The following NCK1 variants were observed in gnomAD, a reference collection of about 807,000 sequenced individuals.
NCK1 encodes the protein NCK adaptor protein 1, also known as SH2/SH3 adapter protein NCK1.
A neutral mutation model predicts 36.6 loss-of-function variants in NCK1; 19 were observed. The ratio of observed to expected loss-of-function variants is 0.52; its 90% CI spans 0.36 to 0.76. NCK1 has a LOEUF of 0.76. NCK1 is among the 30% of genes least tolerant of loss of function. The pLI, the probability that NCK1 is intolerant of heterozygous loss-of-function variation, is 0.00. For synonymous variants in NCK1, 165 were observed against 156.0 expected, an observed-to-expected ratio of 1.06 and a Z score of -0.43; for missense variants, 358 against 445.6, an observed-to-expected ratio of 0.80 and a Z score of 1.77.
intron 1 of NCK1, among the ~76,000 whole-genome samples, chr3:136,905,531 A>G (rs1939661104): frequency 1.3e-5 from 2 of 150,474 alleles, no homozygotes; most frequent in Non-Finnish European, 3.0e-5. Flanking sequence ...GGGATTACAG[A>G]CAAGGGTCAC....
At chr3:136,946,547 C>T (rs974852241) in intron 3 of NCK1, among the ~76,000 whole-genome samples, 9 of 152,110 alleles carry the variant, frequency 5.9e-5, no homozygotes, top group Non-Finnish European at 1.2e-4. Context: ...ATTTTGCATT[C>T]CTGATATATT....
At chr3:136,885,805 A>T (rs1183088465) in intron 1 of NCK1, among the ~76,000 whole-genome samples, 1 of 152,230 alleles carries the variant, frequency 6.6e-6, no homozygotes, top group Non-Finnish European at 1.5e-5. Flanking sequence ...AGGGGTTTGT[A>T]GAGGGAGAAA....
intron 1 of NCK1, chr3:136,899,433 T>TA (rs1553794520): frequency 0.026 from 7,308 of 278,304 alleles, 258 homozygotes; most frequent in East Asian, 0.13. Flanking sequence ...TTTTTTTTTT[T>TA]AAATTTCTTT....
At chr3:136,915,730 GT>G (rs748296383) in intron 1 of NCK1, among the ~76,000 whole-genome samples, 66 of 142,370 alleles carry the variant, frequency 4.6e-4, no homozygotes, top group Admixed American at 4.2e-4. Flanking sequence ...TTTTGCTTTT[GT>G]TTTTTTTTTT....
chr3:136,925,964 G>A (rs552358885), intron 1 of NCK1, among the ~76,000 whole-genome samples: 1 of 152,264 alleles, frequency 6.6e-6, no homozygotes, highest in Admixed American at 6.5e-5. Context: ...GTATACGTGT[G>A]ATCCAATTTC....
At chr3:136,931,452 G>A (rs1388510629) in intron 2 of NCK1, among the ~76,000 whole-genome samples, 3 of 152,136 alleles carry the variant, frequency 2.0e-5, no homozygotes, top group Non-Finnish European at 4.4e-5. Flanking sequence ...GCACTTTGTT[G>A]AAAAAGAATG....
intron 1 of NCK1, chr3:136,867,472 C>T (rs1365642143): frequency 7.8e-6 from 1 of 127,724 alleles, no homozygotes; most frequent in Non-Finnish European, 1.6e-5. Context: ...TTTTGAATTC[C>T]TGGCCTCAAA....
chr3:136,883,067 C>T (rs959693749), intron 1 of NCK1, among the ~76,000 whole-genome samples: 4 of 152,150 alleles, frequency 2.6e-5, no homozygotes, highest in South Asian at 2.1e-4. Flanking sequence ...TACAGGCATG[C>T]GCCACCACAC....
At chr3:136,903,182 T>C (rs936656850) in intron 1 of NCK1, among the ~76,000 whole-genome samples, 12 of 152,214 alleles carry the variant, frequency 7.9e-5, no homozygotes, top group Non-Finnish European at 1.8e-4. Flanking sequence ...CCTGAATTTT[T>C]CCCTTTACCA....
chr3:136,897,105 G>A (rs946653900), intron 1 of NCK1, among the ~76,000 whole-genome samples: 5 of 150,290 alleles, frequency 3.3e-5, no homozygotes, highest in African/African-American at 1.2e-4. Context: ...TTATTATTTT[G>A]AGACAGAATC....
chr3:136,946,656 A>G (rs1940835487), intron 3 of NCK1, among the ~76,000 whole-genome samples: 1 of 79,604 alleles, frequency 1.3e-5, no homozygotes, highest in South Asian at 4.8e-4. Flanking sequence ...AAACATTTAA[A>G]AAATTGCTAT....
chr3:136,940,475 G>A (rs2108145188), intron 2 of NCK1, among the ~76,000 whole-genome samples: 1 of 152,182 alleles, frequency 6.6e-6, no homozygotes, highest in Non-Finnish European at 1.5e-5. Context: ...ATTTGTAACT[G>A]TTACACTTCT....
chr3:136,889,554 C>T (rs1278882787), intron 1 of NCK1, among the ~76,000 whole-genome samples: 3 of 152,110 alleles, frequency 2.0e-5, no homozygotes, highest in Non-Finnish European at 4.4e-5. Context: ...CGGGTTGCCA[C>T]TGCTGGCTCG....
chr3:136,886,214 A>G (rs1939069500), intron 1 of NCK1, among the ~76,000 whole-genome samples: 1 of 152,140 alleles, frequency 6.6e-6, no homozygotes, highest in South Asian at 2.1e-4. Flanking sequence ...ATTTTTTGGT[A>G]GTAACTTGGC....
At chr3:136,870,750 A>G (rs1377736319) in intron 1 of NCK1, among the ~76,000 whole-genome samples, 1 of 145,334 alleles carries the variant, frequency 6.9e-6, no homozygotes, top group East Asian at 2.0e-4. Flanking sequence ...TCTACGTCTC[A>G]CTTCATCTCT....
chr3:136,944,111 C>CTTTTTTTTTTATTTTTTTTTTTT, intron 2 of NCK1, among the ~76,000 whole-genome samples: 1 of 80,926 alleles, frequency 1.2e-5, no homozygotes, highest in Non-Finnish European at 2.2e-5. Context: ...GGAAAAACAA[C>CTTTTTTTTTTATTTTTTTTTTTT]CTTTTTTTTT....
In NCK1 at chr3:136,943,255, TCTA is replaced by T. The variant is rs574984796; in HGVS notation, c.227-2324_227-2322del. On this transcript the variant is annotated intron_variant, in intron 2 of 3. Coordinates refer to ENST00000481752, the MANE Select transcript of NCK1 (RefSeq NM_001291999.2). The stretch of plus-strand genomic sequence containing the variant: ...GGGACAGTGCCTTGGAGTTCCTTAC[TCTA>T]CTATTTTTGGTGGTATCACCCCAAA... 2.5e-3 allele frequency among the ~76,000 whole-genome samples: 375 copies of T among 152,350 alleles called. 1 individual carries two copies. Among genetic ancestry groups the T allele is most frequent in the African/African-American group, 7.7e-3 (321 of 41,584 alleles).
At chr3:136,891,998 C>G (rs965340992) in intron 1 of NCK1, among the ~76,000 whole-genome samples, 1 of 152,190 alleles carries the variant, frequency 6.6e-6, no homozygotes, top group Admixed American at 6.5e-5. Flanking sequence ...AAGGGATCCT[C>G]CTGTCTCAGC....
chr3:136,889,044 A>ATTTTTTTTTTTTTTTTTTTTTTTTTTT, intron 1 of NCK1: 1 of 91,196 alleles, frequency 1.1e-5, no homozygotes, highest in Non-Finnish European at 2.0e-5. Flanking sequence ...TAATTTTTTG[A>ATTTTTTTTTTTTTTTTTTTTTTTTTTT]TTTTTTTTTT....
Sources: allele counts gnomAD v4.1 joint callset (sites outside exome capture counted in the v4.1 genomes callset), GRCh38; gene constraint gnomAD v4.1.1; transcripts MANE v1.5; gene names NCBI Gene and HGNC (gene_info 2026-07-23, HGNC 2026-07-21).